The following SPAG6 variants were observed in gnomAD, a reference collection of about 807,000 sequenced individuals.
SPAG6 encodes the protein sperm-associated antigen 6.
SPAG6 carries 49 observed loss-of-function variants against 58.5 expected under a neutral mutation model. The observed-to-expected ratio is 0.84, with a 90% CI of 0.67 to 1.06. SPAG6 has a LOEUF of 1.06. Among genes scored for constraint, SPAG6 ranks in the 50% least tolerant of loss-of-function variants. The pLI is 0.00. For missense variants in SPAG6, 560 were observed against 611.3 expected, an observed-to-expected ratio of 0.92 and a Z score of 0.89; for synonymous variants, 233 against 225.6, an observed-to-expected ratio of 1.03 and a Z score of -0.29.
intron 2 of SPAG6, among the ~76,000 whole-genome samples, chr10:22,356,034 G>T (rs1836856637): frequency 6.6e-6 from 1 of 152,216 alleles, no homozygotes; most frequent in Non-Finnish European, 1.5e-5. Flanking sequence ...ACTGTAACAG[G>T]AGAATATGTA....
chr10:22,365,162 A>G, intron 3 of SPAG6, 143 bp downstream of exon 3: 1 of 561,864 alleles, frequency 1.8e-6, no homozygotes, highest in South Asian at 3.1e-5. Flanking sequence ...GCATGTAATC[A>G]TATTTTCAGG....
chr10:22,368,622 C>G lies in SPAG6; in HGVS notation c.416C>G (p.Pro139Arg), dbSNP rs776311975. The G allele has an allele frequency of 1.9e-6, 3 of 1,613,868 alleles. No homozygotes were observed. In the South Asian group the frequency reaches 3.3e-5, roughly 18 times the overall value. ...TLVICLEDFD[P>R]GVKEAAAWAL... ...GTCATATGCTTGGAAGATTTTGACC[C>G]TGGAGTCAAGGAGGCTGCAGCCTGG... Residue 139 changes from proline (P) to arginine (R), a missense_variant, in exon 4 of 11, where the codon CCT becomes CGT. Pro to Arg is a moderately radical substitution (Grantham distance 103). Transcript: ENST00000376624.
intron 9 of SPAG6, 52 bp downstream of exon 9, chr10:22,401,329 T>C: frequency 1.0e-6 from 1 of 970,852 alleles, no homozygotes; most frequent in African/African-American, 1.6e-5. Context: ...TGATTTGTTG[T>C]TATTTTTTTT....
intron 2 of SPAG6, among the ~76,000 whole-genome samples, chr10:22,356,702 T>G (rs1836878322): frequency 6.6e-6 from 1 of 152,242 alleles, no homozygotes; most frequent in South Asian, 2.1e-4. Context: ...TCAGTTTGTC[T>G]TCTGAATATC....
intron 2 of SPAG6, among the ~76,000 whole-genome samples, chr10:22,347,819 A>G (rs1359781529): frequency 6.6e-6 from 1 of 152,230 alleles, no homozygotes; most frequent in Non-Finnish European, 1.5e-5. Context: ...CTTGACTAAT[A>G]TCTGGGTAGC....
At position 22,386,963 on chromosome 10, in the gene SPAG6, T is replaced by C. The variant is rs111929526; in HGVS notation, c.678+4T>C. ...GAACCCTGATGCTAAATTGAAGGTA[T>C]TTCAAAATAAGGTTGAAAAATACAT... On this transcript the variant is annotated splice_donor_region_variant and intron_variant, in intron 5 of 10. Transcript: ENST00000376624. 1 of 1,610,084 alleles carries C rather than the reference T, an allele frequency of 6.2e-7. No homozygotes were observed. Among genetic ancestry groups the C allele is most frequent in the South Asian group, 1.1e-5 (1 of 90,994 alleles).
chr10:22,378,976 G>A (rs948000666), intron 4 of SPAG6, among the ~76,000 whole-genome samples: 1 of 152,136 alleles, frequency 6.6e-6, no homozygotes, highest in Admixed American at 6.5e-5. Context: ...ATGTATGTAT[G>A]TATGTTAACC....
At chr10:22,407,423 C>G (rs1233321931) in intron 9 of SPAG6, among the ~76,000 whole-genome samples, 2 of 151,902 alleles carry the variant, frequency 1.3e-5, no homozygotes, top group East Asian at 3.9e-4. Context: ...ATATGAAATT[C>G]TGGGTTGAAA....
chr10:22,346,500 C>CTTCTTTT (rs1836557771), intron 2 of SPAG6, among the ~76,000 whole-genome samples: 1 of 111,038 alleles, frequency 9.0e-6, no homozygotes, highest in Admixed American at 9.2e-5. Flanking sequence ...CTTCTTCTTT[C>CTTCTTTT]TTCTTCTTCT....
At chr10:22,378,106 C>T (rs532214086) in intron 4 of SPAG6, among the ~76,000 whole-genome samples, 2 of 144,786 alleles carry the variant, frequency 1.4e-5, no homozygotes, top group South Asian at 4.3e-4. Context: ...CTCTGTCACC[C>T]AGACTGGAGT....
intron 7 of SPAG6, among the ~76,000 whole-genome samples, chr10:22,390,396 G>C (rs886756321): frequency 2.0e-4 from 31 of 152,046 alleles, no homozygotes; most frequent in African/African-American, 7.0e-4. Flanking sequence ...CCCTTCTTTG[G>C]TCTAAGGTTG....
chr10:22,411,179 G>A lies in SPAG6; in HGVS notation c.1460+3G>A. On this transcript the variant is annotated splice_donor_region_variant and intron_variant, in intron 10 of 10. Coordinates refer to ENST00000376624, the MANE Select transcript of SPAG6 (RefSeq NM_012443.4). ...TGTTACCCCGAGGAAATAGTGAGGTGGGGAAAATGGACTTTGAAACGTTCA... is the reference window on the plus strand; with the variant it reads ...TGTTACCCCGAGGAAATAGTGAGGTAGGGAAAATGGACTTTGAAACGTTCA... 6.3e-7 allele frequency: 1 copy of A among 1,599,636 alleles called. No individual in the cohort carries two copies. Among genetic ancestry groups the A allele is most frequent in the Non-Finnish European group, 8.5e-7 (1 of 1,174,224 alleles).
At chr10:22,394,844 C>T (rs1231210204) in intron 8 of SPAG6, among the ~76,000 whole-genome samples, 1 of 152,146 alleles carries the variant, frequency 6.6e-6, no homozygotes, top group Non-Finnish European at 1.5e-5. Context: ...GTAGCTAAGA[C>T]TACAAGTGTG....
At chr10:22,397,890 T>TC (rs1834332673) in intron 8 of SPAG6, among the ~76,000 whole-genome samples, 1 of 152,062 alleles carries the variant, frequency 6.6e-6, no homozygotes, top group South Asian at 2.1e-4. Flanking sequence ...GGCTTTTTTT[T>TC]CCCCCAGAAA....
intron 9 of SPAG6, among the ~76,000 whole-genome samples, chr10:22,405,653 A>G (rs1834534151): frequency 6.6e-6 from 1 of 151,488 alleles, no homozygotes; most frequent in African/African-American, 2.4e-5. Context: ...TGGCCTCATA[A>G]AATGAGTTAG....
At chr10:22,376,356 A>G (rs1833814098) in intron 4 of SPAG6, among the ~76,000 whole-genome samples, 1 of 152,138 alleles carries the variant, frequency 6.6e-6, no homozygotes, top group Non-Finnish European at 1.5e-5. Context: ...TATATTTGAG[A>G]TATATTGTGT....
Position 22,368,563 on chromosome 10 carries a change from G to A in SPAG6, c.357G>A (p.Gln119=), listed in dbSNP as rs1422941178. ...AVGKHSPQLA[Q]AIVDCGALDT... is the part of the protein sequence containing the mutation. ...GTAAACATTCTCCCCAGCTAGCTCA[G>A]GCAATAGTCGATTGTGGAGCACTGG... Residue 119 remains glutamine (Q), a synonymous_variant, in exon 4 of 11, where the codon CAG becomes CAA. Transcript: ENST00000376624. 6.2e-7 allele frequency: 1 copy of A among 1,614,016 alleles called. No homozygotes were observed. Among genetic ancestry groups the A allele is most frequent in the Admixed American group, 1.7e-5 (1 of 60,016 alleles).
chr10:22,347,619 A>G (rs983350934), intron 2 of SPAG6, among the ~76,000 whole-genome samples: 1 of 152,226 alleles, frequency 6.6e-6, no homozygotes, highest in Non-Finnish European at 1.5e-5. Context: ...CTTTTAAGAT[A>G]CGGAGTATCA....
At position 22,388,062 on chromosome 10, in the gene SPAG6, A is replaced by G. The variant is rs1188292818; in HGVS notation, c.852+66A>G. 2.3e-6 allele frequency: 3 copies of G among 1,310,652 alleles called. No individual in the cohort carries two copies. In the African/African-American group the frequency reaches 4.5e-5, roughly 20 times the overall value. 81.2% of individuals were successfully genotyped at this position (1,310,652 alleles called of 1,614,324 possible). ...GTTTTAGTTTTTAAATAAAACATCA[A>G]TTTGTTTATAGGGCCTAGGGGTTGT... On this transcript the variant is annotated intron_variant, in intron 6 of 10. Transcript: ENST00000376624.
Sources: allele counts gnomAD v4.1 joint callset (sites outside exome capture counted in the v4.1 genomes callset), GRCh38; gene constraint gnomAD v4.1.1; transcripts MANE v1.5; gene names NCBI Gene and HGNC (gene_info 2026-07-23, HGNC 2026-07-21).